The following IDO2 variants were observed in gnomAD, a reference collection of about 807,000 sequenced individuals.
IDO2 encodes indoleamine 2,3-dioxygenase-like 1 protein.
In IDO2, 46 loss-of-function variants were observed where a neutral mutation model predicts 45.1. That is an observed-to-expected ratio of 1.02 (90% CI 0.80 to 1.30). IDO2 has a LOEUF of 1.30. Among genes scored for constraint, IDO2 ranks in the 50% most tolerant of loss-of-function variants. The pLI is 0.00. For synonymous variants in IDO2, 218 were observed against 184.9 expected (o/e 1.18, Z -1.45); for missense variants, 544 against 491.8 (o/e 1.11, Z -1.00).
At chr8:39,958,598 G>C (rs1002593947) in intron 2 of IDO2, among the ~76,000 whole-genome samples, 1 of 152,034 alleles carries the variant, frequency 6.6e-6, no homozygotes, top group Admixed American at 6.6e-5. Context: ...TTATAGGCTC[G>C]TGTCACCACG....
Position 40,013,237 on chromosome 8 carries a change from G to T in IDO2, c.720-328G>T, listed in dbSNP as rs575621926. ...CCAGAGCCCCTAAAATGTGCCTTTT[G>T]ACCAACACTGAGGACATCTTTATAA... is the stretch of plus-strand genomic sequence containing the variant. On this transcript the variant is annotated intron_variant, in intron 9 of 10. Transcript: ENST00000502986. 9.9e-4 allele frequency among the ~76,000 whole-genome samples: 151 copies of T among 152,280 alleles called. 2 individuals carry two copies. The highest frequency in any genetic ancestry group is 3.4e-3 in the Middle Eastern group (1 of 294).
intron 3 of IDO2, among the ~76,000 whole-genome samples, chr8:39,966,154 G>C (rs1808081327): frequency 6.7e-6 from 1 of 149,284 alleles, no homozygotes; most frequent in Non-Finnish European, 1.5e-5. Flanking sequence ...TCAGCCTCCT[G>C]AGTAGCTGGG....
intron 9 of IDO2, among the ~76,000 whole-genome samples, chr8:40,006,418 A>C (rs1802221729): frequency 6.6e-6 from 1 of 152,136 alleles, no homozygotes; most frequent in South Asian, 2.1e-4. Context: ...AGATGTATTA[A>C]ATGCATTTTT....
exon 11 of IDO2, chr8:40,015,644 G>T (rs1429032591): frequency 4.2e-6 from 6 of 1,435,298 alleles, no homozygotes; most frequent in Non-Finnish European, 5.8e-6. Flanking sequence ...CCCATGGAGG[G>T]CAGGTGGGCC....
At chr8:40,014,270 C>A (rs1173359626) in intron 10 of IDO2, among the ~76,000 whole-genome samples, 3 of 152,170 alleles carry the variant, frequency 2.0e-5, no homozygotes, top group Non-Finnish European at 4.4e-5. Flanking sequence ...AAAAGAATCA[C>A]CAGAACTTAG....
At chr8:40,013,309 CT>C (rs1234612693) in intron 9 of IDO2, among the ~76,000 whole-genome samples, 2 of 152,130 alleles carry the variant, frequency 1.3e-5, no homozygotes, top group East Asian at 3.9e-4. Context: ...CCACAAATTC[CT>C]CTCTAAATAG....
chr8:39,947,586 T>C (rs28841363), intron 1 of IDO2, among the ~76,000 whole-genome samples: 59,753 of 151,918 alleles, frequency 0.39, 11,975 homozygotes, highest in East Asian at 0.57. Context: ...GCTAGCCAAT[T>C]GGGACAAATA....
rs761616723 is a variant in IDO2 at position 39,987,982 on chromosome 8, C to T, written c.549+12C>T. On this transcript the variant is annotated intron_variant, in intron 7 of 10. Transcript: ENST00000502986. ...TGCCTGGGATAAAGGTATCTTCTCA[C>T]TTGATAGCACCTTTTCTTTTTAAAT... 1 of 1,477,382 alleles carries T rather than the reference C, an allele frequency of 6.8e-7. No individual in the cohort carries two copies. The highest frequency in any genetic ancestry group is 9.4e-7 in the Non-Finnish European group (1 of 1,064,376). The allele number at this position is 1,477,382 out of a possible 1,614,324, so 91.5% of individuals were successfully genotyped here. A position where few individuals can be genotyped will look rare whatever the true frequency, so the allele number is the denominator to read the frequency against.
intron 1 of IDO2, among the ~76,000 whole-genome samples, chr8:39,944,483 T>C (rs1011959845): frequency 6.6e-6 from 1 of 152,164 alleles, no homozygotes; most frequent in Non-Finnish European, 1.5e-5. Context: ...ACAGACTCCA[T>C]CTTGGCTCTT....
intron 9 of IDO2, among the ~76,000 whole-genome samples, chr8:40,013,165 G>T (rs1802332639): frequency 6.6e-6 from 1 of 152,032 alleles, no homozygotes; most frequent in African/African-American, 2.4e-5. Flanking sequence ...GAGTTAAAAA[G>T]TATCTGCTCA....
intron 3 of IDO2, among the ~76,000 whole-genome samples, chr8:39,975,901 T>A (rs1808252683): frequency 6.6e-6 from 1 of 152,036 alleles, no homozygotes; most frequent in Admixed American, 6.5e-5. Context: ...AAAGCCATAA[T>A]GGTGATGAGA....
At chr8:40,006,004 C>T (rs1356444830) in intron 9 of IDO2, among the ~76,000 whole-genome samples, 1 of 152,096 alleles carries the variant, frequency 6.6e-6, no homozygotes, top group African/African-American at 2.4e-5. Flanking sequence ...TTGTCCCTTC[C>T]ACTATGTGAG....
chr8:39,966,439 A>C (rs964765631), intron 3 of IDO2, among the ~76,000 whole-genome samples: 1 of 152,242 alleles, frequency 6.6e-6, no homozygotes, highest in Non-Finnish European at 1.5e-5. Flanking sequence ...AAGCAAACAC[A>C]ATAGTTTCGA....
intron 2 of IDO2, among the ~76,000 whole-genome samples, chr8:39,958,034 T>G (rs891125759): frequency 7.5e-5 from 11 of 146,232 alleles, no homozygotes; most frequent in Non-Finnish European, 1.5e-4. Context: ...GCCTCCCGAG[T>G]AGCTGGGATT....
chr8:39,973,027 T>C (rs947914921), intron 3 of IDO2, among the ~76,000 whole-genome samples: 7 of 152,162 alleles, frequency 4.6e-5, no homozygotes, highest in African/African-American at 1.2e-4. Flanking sequence ...AGTCACTTTA[T>C]TGTGGTGGTC....
chr8:39,985,823 A>G (rs1459356145), intron 6 of IDO2: 3 of 292,924 alleles, frequency 1.0e-5, no homozygotes, highest in Non-Finnish European at 1.9e-5. Flanking sequence ...AATTTCAGTA[A>G]CTCCTTGAAG....
intron 2 of IDO2, among the ~76,000 whole-genome samples, chr8:39,959,934 G>A (rs1401992687): frequency 1.3e-5 from 2 of 151,888 alleles, no homozygotes; most frequent in East Asian, 1.9e-4. Context: ...AGCTGAGATC[G>A]CACCACTGCA....
intron 9 of IDO2, among the ~76,000 whole-genome samples, chr8:40,012,105 TATC>T (rs2129595587): frequency 6.6e-6 from 1 of 152,298 alleles, no homozygotes; most frequent in Admixed American, 6.5e-5. Context: ...ATTTGAAAAA[TATC>T]ATGAACAGCA....
chr8:39,955,893 C>T (rs887692810), intron 2 of IDO2, among the ~76,000 whole-genome samples: 4 of 151,992 alleles, frequency 2.6e-5, no homozygotes, highest in South Asian at 2.1e-4. Flanking sequence ...AGCAATGCTC[C>T]GACTCACTTG....
Sources: allele counts gnomAD v4.1 joint callset (sites outside exome capture counted in the v4.1 genomes callset), GRCh38; gene constraint gnomAD v4.1.1; transcripts MANE v1.5; gene names NCBI Gene and HGNC (gene_info 2026-07-23, HGNC 2026-07-21).